CHMP4B: variants seen among roughly 807,000 people sequenced by gnomAD.
The protein encoded by CHMP4B is SNF7 homolog associated with Alix 1.
A neutral mutation model predicts 25.1 loss-of-function variants in CHMP4B; 1 was observed. That is an observed-to-expected ratio of 0.04 (90% confidence interval 0.01 to 0.19). The LOEUF is 0.19. Among genes scored for constraint, CHMP4B ranks in the 10% least tolerant of loss-of-function variants. CHMP4B has a pLI of 1.00. For synonymous variants in CHMP4B, 101 were observed against 115.6 expected (o/e 0.87, Z 0.81); for missense variants, 151 against 289.7 (o/e 0.52, Z 3.48).
At chr20:33,834,318 AT>A (rs201091368) in intron 1 of CHMP4B, among the ~76,000 whole-genome samples, 2 of 148,246 alleles carry the variant, frequency 1.3e-5, no homozygotes, top group Admixed American at 6.7e-5. Context: ...TTGTATTTGT[AT>A]TTTTTTTTGG....
intron 1 of CHMP4B, among the ~76,000 whole-genome samples, chr20:33,839,139 A>C (rs990066034): frequency 3.9e-5 from 6 of 152,168 alleles, no homozygotes; most frequent in African/African-American, 1.2e-4. Flanking sequence ...AAAGTGGGCA[A>C]GTGACAGAGG....
At chr20:33,821,386 C>CAAA (rs35674946) in intron 1 of CHMP4B, among the ~76,000 whole-genome samples, 6 of 106,206 alleles carry the variant, frequency 5.6e-5, no homozygotes, top group East Asian at 2.5e-4. Context: ...GACTCCATCT[C>CAAA]AAAAAAAAAA....
At chr20:33,822,538 C>T (rs1397269382) in intron 1 of CHMP4B, among the ~76,000 whole-genome samples, 2 of 152,224 alleles carry the variant, frequency 1.3e-5, no homozygotes, top group Non-Finnish European at 2.9e-5. Flanking sequence ...AGCATGTCAT[C>T]GCAGATTGCT....
At chr20:33,827,952 A>G (rs775293983) in intron 1 of CHMP4B, among the ~76,000 whole-genome samples, 2 of 152,198 alleles carry the variant, frequency 1.3e-5, no homozygotes, top group Non-Finnish European at 2.9e-5. Context: ...GAGAAAATCA[A>G]TGGTCCTGGT....
At chr20:33,816,655 T>C (rs1302283946) in intron 1 of CHMP4B, among the ~76,000 whole-genome samples, 1 of 152,256 alleles carries the variant, frequency 6.6e-6, no homozygotes, top group East Asian at 1.9e-4. Flanking sequence ...CTTTTCTTTT[T>C]AAGTCTTGGT....
In CHMP4B at chr20:33,852,216, A is replaced by G; in HGVS notation, c.610+13A>G. 1 of 1,613,984 alleles carries G rather than the reference A, an allele frequency of 6.2e-7. No homozygotes were observed. Among genetic ancestry groups the G allele is most frequent in the East Asian group, 2.2e-5 (1 of 44,878 alleles). ...CCATCAAAACCCGGTGAGTGCTTCT[A>G]GAGTCATGGCACACCGTGAGGTCAT... On this transcript the variant is annotated intron_variant, in intron 4 of 4. Coordinates refer to ENST00000217402, the MANE Select transcript of CHMP4B (RefSeq NM_176812.5).
chr20:33,822,462 A>G (rs1234667109), intron 1 of CHMP4B, among the ~76,000 whole-genome samples: 1 of 152,116 alleles, frequency 6.6e-6, no homozygotes, highest in Non-Finnish European at 1.5e-5. Context: ...TTAATTCTCT[A>G]TCAGGTGAAC....
At chr20:33,823,798 C>T (rs1979011838) in intron 1 of CHMP4B, among the ~76,000 whole-genome samples, 1 of 152,156 alleles carries the variant, frequency 6.6e-6, no homozygotes, top group Non-Finnish European at 1.5e-5. Flanking sequence ...ACTCGGCTTC[C>T]CGAAGTGCTG....
At position 33,854,007 on chromosome 20, in the gene CHMP4B, A is replaced by G. The variant is rs1429619683; in HGVS notation, c.*447A>G. ...GCAGAAAAGTCATTTTTCAAAAGCC[A>G]TAGGCTTTTCCTTGCCCTTAGCTGT... is the stretch of plus-strand genomic sequence containing the variant. On this transcript the variant is annotated 3_prime_UTR_variant, in exon 5 of 5. Transcript: ENST00000217402. The G allele has an allele frequency of 8.0e-6, 2 of 250,288 alleles. No individual in the cohort carries two copies. Among genetic ancestry groups the G allele is most frequent in the South Asian group, 4.9e-5 (1 of 20,558 alleles). The allele number at this position is 250,288 out of a possible 1,614,324, so 15.5% of individuals were successfully genotyped here. A position where few individuals can be genotyped will look rare whatever the true frequency, so the allele number is the denominator to read the frequency against.
At chr20:33,847,869 G>A (rs1334160180) in intron 1 of CHMP4B, among the ~76,000 whole-genome samples, 1 of 151,916 alleles carries the variant, frequency 6.6e-6, no homozygotes, top group African/African-American at 2.4e-5. Context: ...GTTACTTTTC[G>A]GGAGCATTGT....
At chr20:33,835,641 G>A (rs558381366) in intron 1 of CHMP4B, among the ~76,000 whole-genome samples, 3 of 152,252 alleles carry the variant, frequency 2.0e-5, no homozygotes, top group East Asian at 3.9e-4. Flanking sequence ...CTAGAAGCTC[G>A]ATGTAGGTGT....
chr20:33,853,994 T>C lies in CHMP4B; in HGVS notation c.*434T>C, dbSNP rs1223945547. ...TTGTACGGTACTGGCAGAAAAGTCA[T>C]TTTTCAAAAGCCATAGGCTTTTCCT... On this transcript the variant is annotated 3_prime_UTR_variant, in exon 5 of 5. Transcript: ENST00000217402. 1 of 250,268 alleles carries C rather than the reference T, an allele frequency of 4.0e-6. No individual in the cohort carries two copies. The highest frequency in any genetic ancestry group is 8.0e-6 in the Non-Finnish European group (1 of 125,428). 15.5% of individuals were successfully genotyped at this position (250,268 alleles called of 1,614,324 possible). A position where few individuals can be genotyped will look rare whatever the true frequency, so the allele number is the denominator to read the frequency against.
At chr20:33,845,469 C>A (rs148257984) in intron 1 of CHMP4B, among the ~76,000 whole-genome samples, 1 of 152,012 alleles carries the variant, frequency 6.6e-6, no homozygotes, top group Admixed American at 6.5e-5. Context: ...ACTACAGGTG[C>A]GCGCCACCAT....
At chr20:33,818,216 C>T (rs944326381) in intron 1 of CHMP4B, among the ~76,000 whole-genome samples, 1 of 152,200 alleles carries the variant, frequency 6.6e-6, no homozygotes, top group African/African-American at 2.4e-5. Flanking sequence ...TGAGACACTG[C>T]CTTCTCCCCA....
chr20:33,851,817 G>T (rs913374299), intron 3 of CHMP4B, among the ~76,000 whole-genome samples: 7 of 152,220 alleles, frequency 4.6e-5, no homozygotes, highest in Non-Finnish European at 1.0e-4. Flanking sequence ...GGAAGGCAAA[G>T]ATATGATCCC....
intron 1 of CHMP4B, 32 bp downstream of exon 1, chr20:33,811,690 C>T (rs2122776223): frequency 1.2e-6 from 2 of 1,604,158 alleles, no homozygotes; most frequent in Middle Eastern, 3.3e-4. Context: ...AGACTTGCCA[C>T]GGGCTCCCCC....
intron 1 of CHMP4B, among the ~76,000 whole-genome samples, chr20:33,831,741 A>ATTTTTTTT (rs1568607995): frequency 1.3e-5 from 2 of 152,106 alleles, no homozygotes; most frequent in African/African-American, 4.8e-5. Flanking sequence ...TTGTTCTTTA[A>ATTTTTTTT]TTTTATTATT....
At chr20:33,843,403 A>G (rs1044070488) in intron 1 of CHMP4B, among the ~76,000 whole-genome samples, 1 of 152,232 alleles carries the variant, frequency 6.6e-6, no homozygotes, top group Non-Finnish European at 1.5e-5. Flanking sequence ...TTAGATTTCA[A>G]TTGTTAAAGC....
chr20:33,817,350 G>T (rs1978809385), intron 1 of CHMP4B, among the ~76,000 whole-genome samples: 1 of 152,192 alleles, frequency 6.6e-6, no homozygotes, highest in Non-Finnish European at 1.5e-5. Context: ...TCCTTATTTT[G>T]CCCCATTTGG....
Sources: gnomAD v4.1 joint callset for allele counts (sites outside exome capture counted in the v4.1 genomes callset) on GRCh38, gnomAD v4.1.1 for gene constraint, MANE v1.5 for transcripts, NCBI Gene and HGNC (gene_info 2026-07-23, HGNC 2026-07-21) for gene names.